C1orf105: variants seen among roughly 807,000 people sequenced by gnomAD.
The protein encoded by C1orf105 is chromosome 1 open reading frame 105.
A neutral mutation model predicts 20.8 loss-of-function variants in C1orf105; 17 were observed. The ratio of observed to expected loss-of-function variants is 0.82; its 90% CI spans 0.56 to 1.23. C1orf105 has a LOEUF of 1.23. Among genes scored for constraint, C1orf105 ranks in the 50% most tolerant of loss-of-function variants. The pLI is 0.00. For synonymous variants in C1orf105, 72 were observed against 72.1 expected (o/e 1.00, Z 0.01); for missense variants, 219 against 213.5 (o/e 1.03, Z -0.16).
At chr1:172,439,709 T>C (rs2072157473) in intron 1 of C1orf105, among the ~76,000 whole-genome samples, 1 of 152,200 alleles carries the variant, frequency 6.6e-6, no homozygotes, top group Non-Finnish European at 1.5e-5. Flanking sequence ...GTTTGCTACC[T>C]GAGTTCCCTA....
chr1:172,446,229 A>C (rs577862843), intron 2 of C1orf105, among the ~76,000 whole-genome samples: 2 of 152,354 alleles, frequency 1.3e-5, no homozygotes, highest in Non-Finnish European at 2.9e-5. Context: ...GAGGTTCAAT[A>C]AACTCAAAGG....
In C1orf105 at chr1:172,420,820, A is replaced by G. The variant is rs2071565976; in HGVS notation, c.-66A>G. On this transcript the variant is annotated 5_prime_UTR_variant, in exon 1 of 7. Coordinates refer to ENST00000367727, the MANE Select transcript of C1orf105 (RefSeq NM_139240.4). ...TCCACAGCAGTCTTCCACTGGCCAC[A>G]GTGAGGGGAGCTAGGTTTCCCCAGT... 1.3e-6 allele frequency: 2 copies of G among 1,537,936 alleles called. No individual in the cohort carries two copies. Among genetic ancestry groups the G allele is most frequent in the African/African-American group, 1.4e-5 (1 of 73,092 alleles).
chr1:172,463,842 G>GT (rs1573895617), intron 5 of C1orf105, among the ~76,000 whole-genome samples: 4 of 152,290 alleles, frequency 2.6e-5, no homozygotes, highest in Admixed American at 1.3e-4. Flanking sequence ...TCAACCAGAC[G>GT]TATCATGAGA....
At chr1:172,450,617 A>G (rs959877027) in intron 3 of C1orf105, among the ~76,000 whole-genome samples, 1 of 152,180 alleles carries the variant, frequency 6.6e-6, no homozygotes, top group Non-Finnish European at 1.5e-5. Flanking sequence ...GAGACCCCGG[A>G]CCCTGTGCAG....
Position 172,468,575 on chromosome 1 carries a change from G to C in C1orf105, c.533G>C (p.Gly178Ala), listed in dbSNP as rs576612278. The C allele has an allele frequency of 6.2e-7, 1 of 1,613,494 alleles. No homozygotes were observed. Among genetic ancestry groups the C allele is most frequent in the South Asian group, 1.1e-5 (1 of 91,020 alleles). The change falls in exon 7 of 7, where the codon GGC becomes GCC. Residue 178 changes from glycine (G) to alanine (A), a missense_variant. Physicochemically the swap from Gly to Ala is moderately conservative, Grantham distance 60. Coordinates refer to ENST00000367727, the MANE Select transcript of C1orf105 (RefSeq NM_139240.4). ...TCCTTGCCCAGAAAGGAACCAATAG[G>C]CAAGACAACGAGGCAGTGAGCGGTA... is the stretch of plus-strand genomic sequence containing the variant. ...RSSLPRKEPI[G>A]KTTRQ is the part of the protein sequence containing the mutation.
intron 1 of C1orf105, chr1:172,431,006 G>C: frequency 1.7e-6 from 1 of 576,032 alleles, no homozygotes; most frequent in South Asian, 2.4e-5. Context: ...TGTGTGTTCT[G>C]ACTGCTCCAC....
At chr1:172,451,203 A>C (rs1648593316) in intron 3 of C1orf105, 1 of 152,180 alleles carries the variant, frequency 6.6e-6, no homozygotes, top group African/African-American at 2.4e-5. Context: ...AATTAACTAG[A>C]GCTCCTCAGT....
Position 172,456,441 on chromosome 1 carries a change from G to A in C1orf105, c.225G>A (p.Met75Ile). Residue 75 changes from methionine (M) to isoleucine (I), a missense_variant, in exon 4 of 7, where the codon ATG becomes ATA. Coordinates refer to ENST00000367727, the MANE Select transcript of C1orf105 (RefSeq NM_139240.4). ...CCAGGAGGAACCAGTGTGACTCCAT[G>A]CTGCTCAGAAACCAACAGCTGTGCT... ...SKARRNQCDSMLLRNQQLCST... is the reference protein window; with the variant it reads ...SKARRNQCDSILLRNQQLCST... The A allele has an allele frequency of 6.2e-7, 1 of 1,613,466 alleles. No homozygotes were observed.
At chr1:172,428,808 C>T in intron 1 of C1orf105, 1 of 699,184 alleles carries the variant, frequency 1.4e-6, no homozygotes, top group Non-Finnish European at 2.6e-6. Flanking sequence ...ATTCCAAGCA[C>T]ACAGAACAGT....
At position 172,454,001 on chromosome 1, in the gene C1orf105, T is replaced by C. The variant is rs141263785; in HGVS notation, c.199-2414T>C. ...TACAGTTGTCATTAACCTAGCAAGA[T>C]CTTGCAATGCACTTTGGGGATCTTG... On this transcript the variant is annotated intron_variant, in intron 3 of 6. Coordinates refer to ENST00000367727, the MANE Select transcript of C1orf105 (RefSeq NM_139240.4). Among the ~76,000 whole-genome samples, 1,062 of 152,322 alleles carry C rather than the reference T, an allele frequency of 7.0e-3. 5 individuals are homozygous for C. The highest frequency in any genetic ancestry group is 0.021 in the Admixed American group (325 of 15,302).
intron 1 of C1orf105, among the ~76,000 whole-genome samples, chr1:172,426,404 G>T (rs2071723488): frequency 6.6e-6 from 1 of 152,096 alleles, no homozygotes; most frequent in South Asian, 2.1e-4. Flanking sequence ...AACTACCAAT[G>T]CCCAATTCAT....
intron 1 of C1orf105, among the ~76,000 whole-genome samples, chr1:172,426,267 G>C (rs2071719433): frequency 6.6e-6 from 1 of 152,204 alleles, no homozygotes; most frequent in African/African-American, 2.4e-5. Flanking sequence ...GCCTGAAGTG[G>C]GGTAGTTATC....
intron 3 of C1orf105, chr1:172,452,854 T>C: frequency 7.0e-7 from 1 of 1,437,320 alleles, no homozygotes; most frequent in Non-Finnish European, 9.1e-7. Context: ...TGCCTCTGGC[T>C]CTAGACCTGA....
chr1:172,465,588 A>G lies in C1orf105; in HGVS notation c.406+225A>G, dbSNP rs536011483. ...CCTCAGGCCTCACTTGCCCTTATAC[A>G]TGTCATGTTCCTTCCCAGGATCTGT... On this transcript the variant is annotated intron_variant, in intron 6 of 6. Coordinates refer to ENST00000367727, the MANE Select transcript of C1orf105 (RefSeq NM_139240.4). 8 of 655,548 alleles carry G rather than the reference A, an allele frequency of 1.2e-5. 1 individual carries two copies. Among genetic ancestry groups the G allele is most frequent in the African/African-American group, 1.8e-5 (1 of 56,138 alleles). The allele number at this position is 655,548 out of a possible 1,614,324, so 40.6% of individuals were successfully genotyped here.
At chr1:172,442,185 A>C (rs1647384095) in intron 1 of C1orf105, 1 of 1,614,118 alleles carries the variant, frequency 6.2e-7, no homozygotes. Flanking sequence ...AGATGGTGTC[A>C]GTGCTGACAG....
chr1:172,461,433 T>C (rs1034508797), intron 4 of C1orf105, among the ~76,000 whole-genome samples: 1 of 152,238 alleles, frequency 6.6e-6, no homozygotes, highest in African/African-American at 2.4e-5. Flanking sequence ...ATTGTCATTT[T>C]ATTATTATAG....
Position 172,452,908 on chromosome 1 carries a change from C to T in C1orf105, c.199-3507C>T. The T allele has an allele frequency of 2.7e-6, 4 of 1,499,192 alleles. No individual in the cohort carries two copies. The South Asian group carries it at 5.4e-5, about 20-fold the overall frequency. 92.9% of individuals were successfully genotyped at this position (1,499,192 alleles called of 1,614,324 possible). A position where few individuals can be genotyped will look rare whatever the true frequency, so the allele number is the denominator to read the frequency against. On this transcript the variant is annotated intron_variant, in intron 3 of 6. Coordinates refer to ENST00000367727, the MANE Select transcript of C1orf105 (RefSeq NM_139240.4). ...CTGTGAATGTGGACAATTCCCTCTCCATTCCTGTTATTGCTGCTGAGCTGG... is the reference window on the plus strand; with the variant it reads ...CTGTGAATGTGGACAATTCCCTCTCTATTCCTGTTATTGCTGCTGAGCTGG...
At chr1:172,438,678 A>C (rs1161742356) in intron 1 of C1orf105, among the ~76,000 whole-genome samples, 2 of 152,272 alleles carry the variant, frequency 1.3e-5, no homozygotes, top group East Asian at 3.8e-4. Flanking sequence ...GCAGGGTTTG[A>C]GAGGGTTGAC....
chr1:172,428,959 A>C, intron 1 of C1orf105: 1 of 559,566 alleles, frequency 1.8e-6, no homozygotes, highest in Non-Finnish European at 3.1e-6. Flanking sequence ...TTTGGGGGAT[A>C]CTGTTGGATA....
Sources: gnomAD v4.1 joint callset for allele counts (sites outside exome capture counted in the v4.1 genomes callset) on GRCh38, gnomAD v4.1.1 for gene constraint, MANE v1.5 for transcripts, NCBI Gene and HGNC (gene_info 2026-07-23, HGNC 2026-07-21) for gene names.